Variants in ZNF420 observed in about 807,000 individuals in gnomAD.
The protein encoded by ZNF420 is zinc finger protein 420.
A neutral mutation model predicts 44.7 loss-of-function variants in ZNF420; 31 were observed. The ratio of observed to expected loss-of-function variants is 0.69; its 90% CI spans 0.52 to 0.94. The LOEUF (loss-of-function observed/expected upper bound fraction) is 0.94. Ranked by LOEUF, ZNF420 falls within the 40% of genes least tolerant of loss-of-function variation. The pLI, the probability that ZNF420 is intolerant of heterozygous loss-of-function variation, is 0.00. For synonymous variants in ZNF420, 245 were observed against 267.4 expected, an observed-to-expected ratio of 0.92 and a Z score of 0.82; for missense variants, 681 against 827.9, an observed-to-expected ratio of 0.82 and a Z score of 2.18.
intron 4 of ZNF420, chr19:37,109,342 G>A (rs1970261323): frequency 6.6e-6 from 1 of 152,236 alleles, no homozygotes; most frequent in Non-Finnish European, 1.5e-5. Flanking sequence ...CACAGGCCCA[G>A]TAGGTATAAT....
chr19:37,127,772 A>G lies in ZNF420; in HGVS notation c.781A>G (p.Thr261Ala). 1 of 1,614,010 alleles carries G rather than the reference A, an allele frequency of 6.2e-7. No individual in the cohort carries two copies. The highest frequency in any genetic ancestry group is 8.5e-7 in the Non-Finnish European group (1 of 1,179,948). ...YECKECGKAF[T>A]QNSQLTLHQR... ...ATGTAAAGAATGTGGGAAGGCCTTT[A>G]CTCAGAATTCACAACTTACACTACA... Residue 261 changes from threonine to alanine, a missense_variant, in exon 5 of 5, where the codon ACT (threonine) becomes GCT (alanine). Thr to Ala is a moderately conservative substitution (Grantham distance 58). This residue lies in a region of ZNF420 where 350 missense variants were observed against 382.5 expected (regional missense o/e 0.92). Transcript: ENST00000337995.
In ZNF420 at chr19:37,127,144, T is replaced by A; in HGVS notation, c.153T>A (p.Cys51Ter). ...ATCTTTCAGACTTGCCTTCAAGGTG[T>A]GCAAGTAAGGACTTATCTCCAGAAA... is the stretch of plus-strand genomic sequence containing the variant. The part of the protein sequence containing the change: ...NLVSLDLPSR[C>*]ASKDLSPEKN... The change falls in exon 5 of 5, where the codon TGT becomes TGA. Residue 51 changes from cysteine to a stop codon, truncating the protein, a stop_gained. Transcript: ENST00000337995. LOFTEE classifies it low-confidence loss of function (END_TRUNC). 6.7e-7 allele frequency: 1 copy of A among 1,499,128 alleles called. No homozygotes were observed. The highest frequency in any genetic ancestry group is 8.9e-7 in the Non-Finnish European group (1 of 1,124,044). The allele number at this position is 1,499,128 out of a possible 1,614,324, so 92.9% of individuals were successfully genotyped here.
At chr19:37,098,600 T>C (rs922315531) in intron 4 of ZNF420, among the ~76,000 whole-genome samples, 2 of 152,234 alleles carry the variant, frequency 1.3e-5, no homozygotes, top group Non-Finnish European at 2.9e-5. Context: ...TGGGCTACCA[T>C]GTGATGTTTT....
chr19:37,102,136 A>C (rs980363193), intron 4 of ZNF420, among the ~76,000 whole-genome samples: 2 of 151,854 alleles, frequency 1.3e-5, no homozygotes, highest in Non-Finnish European at 2.9e-5. Context: ...GTGCTATGGG[A>C]TGGCAGCTGA....
intron 1 of ZNF420, among the ~76,000 whole-genome samples, chr19:37,022,982 A>T (rs564269313): frequency 1.2e-4 from 19 of 152,268 alleles, no homozygotes; most frequent in African/African-American, 4.3e-4. Flanking sequence ...CTAAAAAAAT[A>T]CAAAAATTAG....
intron 1 of ZNF420, among the ~76,000 whole-genome samples, chr19:37,008,588 G>A (rs190479890): frequency 5.9e-5 from 9 of 152,194 alleles, no homozygotes; most frequent in Non-Finnish European, 1.3e-4. Context: ...TTTTAAGTCC[G>A]CGAGACTCTT....
At chr19:37,064,539 G>A (rs528611670) in intron 1 of ZNF420, among the ~76,000 whole-genome samples, 5 of 152,188 alleles carry the variant, frequency 3.3e-5, no homozygotes, top group Non-Finnish European at 7.4e-5. Flanking sequence ...TTTCTTCAAA[G>A]AACGCAGATT....
intron 1 of ZNF420, among the ~76,000 whole-genome samples, chr19:37,065,191 C>T (rs1967947757): frequency 6.6e-6 from 1 of 152,158 alleles, no homozygotes; most frequent in Non-Finnish European, 1.5e-5. Context: ...CATTCCAGAG[C>T]CATGAGCCCT....
At chr19:37,016,212 G>A (rs2074607645) in intron 1 of ZNF420, among the ~76,000 whole-genome samples, 1 of 152,188 alleles carries the variant, frequency 6.6e-6, no homozygotes, top group Admixed American at 6.5e-5. Context: ...TCTAGGCTGT[G>A]TTTCATTTCC....
intron 1 of ZNF420, among the ~76,000 whole-genome samples, chr19:37,021,410 G>A (rs2074647571): frequency 6.6e-6 from 1 of 152,090 alleles, no homozygotes; most frequent in African/African-American, 2.4e-5. Context: ...TAGGATTACA[G>A]GCATATGCCA....
chr19:37,106,461 G>C (rs1970090100), intron 4 of ZNF420, among the ~76,000 whole-genome samples: 1 of 152,182 alleles, frequency 6.6e-6, no homozygotes, highest in South Asian at 2.1e-4. Context: ...GGTTCAGTCA[G>C]AACTTGCTCC....
At chr19:37,037,862 G>A (rs779321923) in intron 1 of ZNF420, among the ~76,000 whole-genome samples, 7 of 152,148 alleles carry the variant, frequency 4.6e-5, no homozygotes, top group Non-Finnish European at 7.3e-5. Flanking sequence ...TGCGATATTC[G>A]CCTTGTTGTG....
At chr19:37,056,141 G>A (rs1461532100) in intron 1 of ZNF420, among the ~76,000 whole-genome samples, 1 of 151,966 alleles carries the variant, frequency 6.6e-6, no homozygotes, top group African/African-American at 2.4e-5. Context: ...CCGAAGGGAC[G>A]GGACTGGGGC....
chr19:37,034,107 A>G (rs1967311307), intron 1 of ZNF420, among the ~76,000 whole-genome samples: 1 of 151,060 alleles, frequency 6.6e-6, no homozygotes, highest in Non-Finnish European at 1.5e-5. Context: ...CTTTTCCACC[A>G]TGACTATACC....
chr19:37,068,144 T>C (rs945393211), intron 1 of ZNF420, among the ~76,000 whole-genome samples: 1 of 152,126 alleles, frequency 6.6e-6, no homozygotes, highest in Admixed American at 6.5e-5. Context: ...GCAGGAAAAA[T>C]GTTTTGTTCA....
chr19:37,103,102 T>G (rs891345290), intron 4 of ZNF420, among the ~76,000 whole-genome samples: 1 of 152,158 alleles, frequency 6.6e-6, no homozygotes, highest in Non-Finnish European at 1.5e-5. Flanking sequence ...TTTTAATAAA[T>G]GCACTTAAGA....
At chr19:37,055,015 A>C (rs2146430320) in intron 1 of ZNF420, among the ~76,000 whole-genome samples, 1 of 152,256 alleles carries the variant, frequency 6.6e-6, no homozygotes, top group East Asian at 1.9e-4. Context: ...GAACAAAAAG[A>C]GACATAAAGA....
intron 1 of ZNF420, among the ~76,000 whole-genome samples, chr19:37,015,101 CTG>C (rs970984204): frequency 2.6e-5 from 4 of 152,314 alleles, no homozygotes; most frequent in African/African-American, 9.6e-5. Context: ...AGCTGCCTGG[CTG>C]TGTGTTTCTG....
At chr19:37,109,756 C>G (rs1453580443) in intron 4 of ZNF420, 1 of 152,228 alleles carries the variant, frequency 6.6e-6, no homozygotes, top group Non-Finnish European at 1.5e-5. Flanking sequence ...TTTCCCATGT[C>G]TTATTGTTGT....
Sources: allele counts gnomAD v4.1 joint callset (sites outside exome capture counted in the v4.1 genomes callset), GRCh38; gene constraint gnomAD v4.1.1; regional missense constraint gnomAD v4.1.1; transcripts MANE v1.5; gene names NCBI Gene and HGNC (gene_info 2026-07-23, HGNC 2026-07-21).